The following RSPH10B variants were observed in gnomAD, a reference collection of about 807,000 sequenced individuals.
RSPH10B encodes radial spoke head 10 homolog B (Chlamydomonas).
In RSPH10B, 7 loss-of-function variants were observed where a neutral mutation model predicts 52.5. The observed-to-expected ratio is 0.13, with a 90% CI of 0.08 to 0.25. The LOEUF (loss-of-function observed/expected upper bound fraction) is 0.25. RSPH10B is among the 10% of genes least tolerant of loss of function. RSPH10B has a pLI of 1.00. For synonymous variants in RSPH10B, 28 were observed against 193.2 expected, an observed-to-expected ratio of 0.14 and a Z score of 7.09; for missense variants, 89 against 542.5, an observed-to-expected ratio of 0.16 and a Z score of 8.30.
intron 18 of RSPH10B, among the ~76,000 whole-genome samples, chr7:5,927,050 ATGTGTGTGTGTGTGTGTATATGTGTG>A (rs1192869003): frequency 1.2e-4 from 7 of 56,110 alleles, no homozygotes; most frequent in Non-Finnish European, 3.4e-4. Context: ...TGTGTGTATT[ATGTGTGTGTGTGTGTGTATATGTGTG>A]TGTGTGTGTG....
At chr7:5,943,549 C>T (rs1780321190) in intron 12 of RSPH10B, 77 bp from the exon 15 acceptor site, 4 of 1,583,520 alleles carry the variant, frequency 2.5e-6, no homozygotes. Flanking sequence ...AATCCTATTG[C>T]TTTTGTTTTT....
Position 5,960,345 on chromosome 7 carries a change from A to G in RSPH10B, c.573+346T>C, listed in dbSNP as rs1202489255. ...GGAGATTTGCTTGAACCCGGGAGGC[A>G]GAGGTTGCAGTGAGCTGAGATGGCA... On this transcript the variant is annotated intron_variant, in intron 4 of 18. Coordinates refer to ENST00000337579, the Ensembl canonical transcript of RSPH10B. Among the ~76,000 whole-genome samples the G allele has an allele frequency of 2.9e-4, 13 of 44,862 alleles. No homozygotes were observed. In the Admixed American group the frequency reaches 3.8e-3, roughly 13 times the overall value. 29.4% of individuals were successfully genotyped at this position (44,862 alleles called of 152,430 possible). A position where few individuals can be genotyped will look rare whatever the true frequency, so the allele number is the denominator to read the frequency against.
At position 5,931,981 on chromosome 7, in the gene RSPH10B, CCT is replaced by C. The variant is rs1419250593; in HGVS notation, c.2233+799_2233+800del. On this transcript the variant is annotated intron_variant, in intron 17 of 18. Transcript: ENST00000337579. ...TCCAGCCTGGGCAAGAAAGTAAAAC[CCT>C]GTCTCAAAAAAAGAAAAAGAAAAGA... is the stretch of plus-strand genomic sequence containing the variant. Among the ~76,000 whole-genome samples the C allele has an allele frequency of 1.2e-4, 18 of 151,192 alleles. No homozygotes were observed. In the South Asian group the frequency reaches 3.1e-3, roughly 26 times the overall value.
intron 11 of RSPH10B, among the ~76,000 whole-genome samples, chr7:5,944,411 T>C (rs1186792618): frequency 1.3e-5 from 2 of 150,618 alleles, no homozygotes; most frequent in African/African-American, 2.5e-5. Flanking sequence ...AAAATAAATA[T>C]ATAAATAAAA....
At chr7:5,928,240 T>C (rs201538568) in exon 18 of RSPH10B, 1 of 1,613,338 alleles carries the variant, frequency 6.2e-7, no homozygotes, top group Non-Finnish European at 8.5e-7. Flanking sequence ...GCTGGGCCTG[T>C]GCTGTGCTAC....
intron 18 of RSPH10B, among the ~76,000 whole-genome samples, chr7:5,927,022 C>CGCGTGTGT (rs1554284429): frequency 1.0e-5 from 1 of 95,926 alleles, no homozygotes; most frequent in African/African-American, 4.8e-5. Flanking sequence ...CCCAAAGTTA[C>CGCGTGTGT]GTGTGTGTGT....
intron 13 of RSPH10B, among the ~76,000 whole-genome samples, chr7:5,941,604 C>T (rs1164104166): frequency 2.7e-5 from 4 of 147,898 alleles, no homozygotes; most frequent in African/African-American, 9.9e-5. Context: ...ATTAACTTGG[C>T]ATGGTCATGC....
chr7:5,927,022 C>CGTGTGTGT (rs373901374), intron 18 of RSPH10B, among the ~76,000 whole-genome samples: 998 of 95,744 alleles, frequency 0.01, 1 homozygote, highest in African/African-American at 0.046. Flanking sequence ...CCCAAAGTTA[C>CGTGTGTGT]GTGTGTGTGT....
intron 18 of RSPH10B, among the ~76,000 whole-genome samples, chr7:5,927,064 G>GTATATATATATGTGTGTGTA (rs1256218789): frequency 9.6e-6 from 1 of 103,814 alleles, no homozygotes. Flanking sequence ...GTGTGTGTGT[G>GTATATATATATGTGTGTGTA]TGTATATGTG....
intron 3 of RSPH10B, among the ~76,000 whole-genome samples, chr7:5,961,362 C>T (rs1780936630): frequency 6.9e-6 from 1 of 145,564 alleles, no homozygotes; most frequent in Admixed American, 6.9e-5. Context: ...ATTTTTGAGA[C>T]AGAGTCTCAC....
rs1318238854 is a variant in RSPH10B at position 5,961,669 on chromosome 7, G to T, written c.400-805C>A. 1.4e-4 allele frequency among the ~76,000 whole-genome samples: 3 copies of T among 21,316 alleles called. No individual in the cohort carries two copies. In the East Asian group the frequency reaches 2.1e-3, roughly 15 times the overall value. 14.0% of individuals were successfully genotyped at this position (21,316 alleles called of 152,430 possible). A position where few individuals can be genotyped will look rare whatever the true frequency, so the allele number is the denominator to read the frequency against. ...CATGCCTAGTTTTTGTGGATTTTTT[G>T]TTGTTGTTTTTTTGTTTTTTTGAGA... On this transcript the variant is annotated intron_variant, in intron 3 of 18. Coordinates refer to ENST00000337579, the Ensembl canonical transcript of RSPH10B.
rs1397837645 is a variant in RSPH10B, at chr7:5,941,067, C to T, written c.1759-2238G>A. 8.1e-5 allele frequency among the ~76,000 whole-genome samples: 5 copies of T among 61,366 alleles called. 1 individual carries two copies. Among genetic ancestry groups the T allele is most frequent in the African/African-American group, 1.6e-4 (3 of 19,168 alleles). The allele number at this position is 61,366 out of a possible 152,430, so 40.3% of individuals were successfully genotyped here. ...CTGTAATCCCAGCACTTCAGGAGGCCGAGGCACAAGGACTGCTTGAGCCCA... is the reference window on the plus strand; with the variant it reads ...CTGTAATCCCAGCACTTCAGGAGGCTGAGGCACAAGGACTGCTTGAGCCCA... On this transcript the variant is annotated intron_variant, in intron 13 of 18. Coordinates refer to ENST00000337579, the Ensembl canonical transcript of RSPH10B.
chr7:5,927,621 G>A (rs567369854), intron 18 of RSPH10B, among the ~76,000 whole-genome samples: 64 of 143,190 alleles, frequency 4.5e-4, no homozygotes, highest in African/African-American at 1.6e-3. Flanking sequence ...AGAGTCCACA[G>A]GTTTTGAACT....
chr7:5,944,626 G>T (rs1411225622), intron 11 of RSPH10B, among the ~76,000 whole-genome samples: 3 of 145,898 alleles, frequency 2.1e-5, no homozygotes, highest in South Asian at 2.1e-4. Flanking sequence ...TTGTGGAAAG[G>T]TTGTGTTCTG....
rs1212351559 is a variant in RSPH10B at position 5,954,089 on chromosome 7, C to T, written c.958-870G>A. Among the ~76,000 whole-genome samples the T allele has an allele frequency of 7.6e-5, 8 of 105,002 alleles. No homozygotes were observed. The East Asian group carries it at 2.6e-3, about 34-fold the overall frequency. 68.9% of individuals were successfully genotyped at this position (105,002 alleles called of 152,430 possible). On this transcript the variant is annotated intron_variant, in intron 7 of 18. Coordinates refer to ENST00000337579, the Ensembl canonical transcript of RSPH10B. ...CGATCTCCTGACCTCGTGATCCATC[C>T]GCCTCAGCCTCCAAAAGTGTTGGGA...
At chr7:5,926,732 ACTT>A (rs1422486322) in intron 18 of RSPH10B, among the ~76,000 whole-genome samples, 184 bp from the exon 21 acceptor site, 1 of 140,062 alleles carries the variant, frequency 7.1e-6, no homozygotes, top group African/African-American at 2.7e-5. Flanking sequence ...TCCAAAATAA[ACTT>A]CTCATCTATC....
At chr7:5,927,056 G>GTATT (rs1562553137) in intron 18 of RSPH10B, among the ~76,000 whole-genome samples, 8 of 78,312 alleles carry the variant, frequency 1.0e-4, no homozygotes, top group South Asian at 4.4e-4. Flanking sequence ...TATTATGTGT[G>GTATT]TGTGTGTGTG....
At chr7:5,968,508 T>TTTA (rs1387543907), upstream of RSPH10B, among the ~76,000 whole-genome samples, 1 of 90,074 alleles carries the variant, frequency 1.1e-5, no homozygotes, top group African/African-American at 3.6e-5. Context: ...TGTTTATTTA[T>TTTA]TTATTTATTT....
At chr7:5,968,711 G>C (rs538249857), upstream of RSPH10B, among the ~76,000 whole-genome samples, 1 of 66,704 alleles carries the variant, frequency 1.5e-5, no homozygotes, top group East Asian at 4.7e-4. Flanking sequence ...GGTTTCACCG[G>C]GTTAGCCAGG....
Sources: gnomAD v4.1 joint callset for allele counts (sites outside exome capture counted in the v4.1 genomes callset) on GRCh38, gnomAD v4.1.1 for gene constraint, MANE v1.5 for transcripts, NCBI Gene and HGNC (gene_info 2026-07-23, HGNC 2026-07-21) for gene names.